The following ZNF521 variants were observed in gnomAD, a reference collection of about 807,000 sequenced individuals.
The protein encoded by ZNF521 is LYST-interacting protein 3.
A neutral mutation model predicts 105.5 loss-of-function variants in ZNF521; 14 were observed. The ratio of observed to expected loss-of-function variants is 0.13; its 90% confidence interval spans 0.09 to 0.21. The LOEUF is 0.21. Among genes scored for constraint, ZNF521 ranks in the 10% least tolerant of loss-of-function variants. The pLI, the probability that ZNF521 is intolerant of heterozygous loss-of-function variation, is 1.00. For synonymous variants in ZNF521, 635 were observed against 606.0 expected, an observed-to-expected ratio of 1.05 and a Z score of -0.70; for missense variants, 1,233 against 1,629.7, an observed-to-expected ratio of 0.76 and a Z score of 4.19.
chr18:25,170,615 G>A (rs1055174386), intron 5 of ZNF521, among the ~76,000 whole-genome samples: 2 of 152,070 alleles, frequency 1.3e-5, no homozygotes, highest in Non-Finnish European at 2.9e-5. Context: ...TTAACTATCT[G>A]TAATGACACT....
intron 3 of ZNF521, among the ~76,000 whole-genome samples, chr18:25,320,326 C>T (rs1568076655): frequency 6.6e-6 from 1 of 152,136 alleles, no homozygotes; most frequent in Non-Finnish European, 1.5e-5. Flanking sequence ...GCACGTGCCA[C>T]CACGCACGGC....
chr18:25,284,903 C>T (rs997516709), intron 3 of ZNF521, among the ~76,000 whole-genome samples: 13 of 135,610 alleles, frequency 9.6e-5, no homozygotes, highest in East Asian at 6.0e-4. Context: ...CATGTGCGTG[C>T]GCGCGCGCAC....
At chr18:25,221,569 C>T (rs896510471) in intron 4 of ZNF521, among the ~76,000 whole-genome samples, 1 of 152,170 alleles carries the variant, frequency 6.6e-6, no homozygotes, top group Non-Finnish European at 1.5e-5. Flanking sequence ...TCTCAAGCCT[C>T]AGCAAGAAGA....
intron 2 of ZNF521, among the ~76,000 whole-genome samples, chr18:25,324,132 C>T (rs1695567432): frequency 6.6e-6 from 1 of 152,080 alleles, no homozygotes; most frequent in African/African-American, 2.4e-5. Context: ...AGGGATTTTG[C>T]ATTTGTCTTG....
intron 4 of ZNF521, among the ~76,000 whole-genome samples, chr18:25,209,542 G>A (rs557063101): frequency 6.6e-6 from 1 of 152,126 alleles, no homozygotes; most frequent in Admixed American, 6.6e-5. Context: ...GGGCATCGTC[G>A]GTGGATTTTG....
At position 25,351,970 on chromosome 18, in the gene ZNF521, A is replaced by AG. The variant is rs768051411; in HGVS notation, c.-2+34dup. ...GAGAGCCGGGAGCAGGAGGAGGAGAAGGAGTGTGCTGTGTGCTCCCTCCTC... is the reference window on the plus strand; with the variant it reads ...GAGAGCCGGGAGCAGGAGGAGGAGAAGGGAGTGTGCTGTGTGCTCCCTCCTC... On this transcript the variant is annotated intron_variant, in intron 1 of 7. Transcript: ENST00000361524. 3 of 372,454 alleles carry AG rather than the reference A, an allele frequency of 8.1e-6. No individual in the cohort carries two copies. The Admixed American group carries it at 8.1e-5, about 10-fold the overall frequency. The allele number at this position is 372,454 out of a possible 1,614,324, so 23.1% of individuals were successfully genotyped here.
rs1380845706 is a variant in ZNF521, at chr18:25,351,008, GGCCGCGCGCCCCTCGGGCCGCGGC to G, written c.-1-85_-1-62del. The stretch of plus-strand genomic sequence containing the variant: ...CCTGAAAGAAACTATACTTCCTCGT[GGCCGCGCGCCCCTCGGGCCGCGGC>G]GCCTCGCGCCCTCCGCTCGGCCTCC... On this transcript the variant is annotated intron_variant, in intron 1 of 7. Transcript: ENST00000361524. 2.4e-5 allele frequency: 33 copies of G among 1,403,156 alleles called. No homozygotes were observed. In the East Asian group the frequency reaches 2.8e-4, roughly 12 times the overall value. 86.9% of individuals were successfully genotyped at this position (1,403,156 alleles called of 1,614,324 possible).
chr18:25,080,447 G>T (rs1447890241), intron 7 of ZNF521, among the ~76,000 whole-genome samples: 1 of 152,178 alleles, frequency 6.6e-6, no homozygotes, highest in Non-Finnish European at 1.5e-5. Flanking sequence ...GCAGGGCAGA[G>T]CCTGTTCCAA....
At chr18:25,190,182 G>A (rs1011696541) in intron 5 of ZNF521, among the ~76,000 whole-genome samples, 5 of 152,090 alleles carry the variant, frequency 3.3e-5, no homozygotes, top group Non-Finnish European at 5.9e-5. Flanking sequence ...ATAAGCCAGT[G>A]TTTTATCATA....
chr18:25,104,924 T>C (rs2034041077), intron 5 of ZNF521, among the ~76,000 whole-genome samples: 1 of 152,202 alleles, frequency 6.6e-6, no homozygotes, highest in Admixed American at 6.6e-5. Flanking sequence ...TAGAGAAAAA[T>C]GCCCAGGCAA....
intron 5 of ZNF521, among the ~76,000 whole-genome samples, chr18:25,152,063 G>C: frequency 6.6e-6 from 1 of 152,082 alleles, no homozygotes; most frequent in East Asian, 1.9e-4. Flanking sequence ...GATCCCAAAA[G>C]ACCGTTTTTA....
intron 3 of ZNF521, among the ~76,000 whole-genome samples, chr18:25,264,987 G>A (rs980026807): frequency 9.9e-5 from 15 of 152,058 alleles, no homozygotes; most frequent in African/African-American, 3.1e-4. Flanking sequence ...TGAAAATAAT[G>A]GAAACCAACT....
intron 4 of ZNF521, among the ~76,000 whole-genome samples, chr18:25,199,469 A>G (rs2035956162): frequency 6.6e-6 from 1 of 151,882 alleles, no homozygotes; most frequent in African/African-American, 2.4e-5. Context: ...TCGGGATGTT[A>G]TTGTTACCTT....
At chr18:25,256,993 C>A (rs564890681) in intron 3 of ZNF521, among the ~76,000 whole-genome samples, 1 of 151,782 alleles carries the variant, frequency 6.6e-6, no homozygotes, top group African/African-American at 2.4e-5. Flanking sequence ...ACATTCTGGG[C>A]GAAGTCAAAA....
At chr18:25,180,561 A>T (rs1348661009) in intron 5 of ZNF521, among the ~76,000 whole-genome samples, 1 of 151,976 alleles carries the variant, frequency 6.6e-6, no homozygotes, top group Non-Finnish European at 1.5e-5. Context: ...GGTAAAGAGG[A>T]TGGCATCTAT....
At chr18:25,269,332 T>C (rs998420846) in intron 3 of ZNF521, among the ~76,000 whole-genome samples, 6 of 152,028 alleles carry the variant, frequency 3.9e-5, no homozygotes, top group African/African-American at 1.4e-4. Flanking sequence ...TCCCACACAA[T>C]AATAGTGGGA....
intron 3 of ZNF521, among the ~76,000 whole-genome samples, chr18:25,289,648 G>A (rs765964253): frequency 3.9e-5 from 6 of 152,040 alleles, no homozygotes; most frequent in East Asian, 1.9e-4. Flanking sequence ...CCTAACCAAC[G>A]CATTCCCCAC....
intron 3 of ZNF521, among the ~76,000 whole-genome samples, chr18:25,239,701 C>G (rs559488719): frequency 1.3e-5 from 2 of 152,300 alleles, no homozygotes; most frequent in South Asian, 4.1e-4. Context: ...GCTACAGTCT[C>G]TTGCAACTTC....
At chr18:25,332,369 G>T (rs1913626370) in intron 2 of ZNF521, among the ~76,000 whole-genome samples, 1 of 148,146 alleles carries the variant, frequency 6.8e-6, no homozygotes. Context: ...AAAAGAGGCT[G>T]TGATTTATAC....
Sources: gnomAD v4.1 joint callset for allele counts (sites outside exome capture counted in the v4.1 genomes callset) on GRCh38, gnomAD v4.1.1 for gene constraint, MANE v1.5 for transcripts, NCBI Gene and HGNC (gene_info 2026-07-23, HGNC 2026-07-21) for gene names.